The following ADGRB3 variants were observed in gnomAD, a reference collection of about 807,000 sequenced individuals.
The protein encoded by ADGRB3 is brain-specific angiogenesis inhibitor 3.
ADGRB3 carries 37 observed loss-of-function variants against 193.4 expected under a neutral mutation model. The observed-to-expected ratio is 0.19, with a 90% confidence interval of 0.15 to 0.25. ADGRB3 has a LOEUF of 0.25. ADGRB3 is among the 10% of genes least tolerant of loss of function. The pLI, the probability that ADGRB3 is intolerant of heterozygous loss-of-function variation, is 1.00. For missense variants in ADGRB3, 1,637 were observed against 1,852.9 expected, an observed-to-expected ratio of 0.88 and a Z score of 2.14; for synonymous variants, 690 against 644.2, an observed-to-expected ratio of 1.07 and a Z score of -1.08.
At chr6:69,297,368 TTCTC>T (rs70987459) in intron 20 of ADGRB3, among the ~76,000 whole-genome samples, 6 of 97,638 alleles carry the variant, frequency 6.1e-5, no homozygotes, top group South Asian at 7.7e-4. Flanking sequence ...CTCTCTCTCT[TTCTC>T]TCTCTCTCTC....
intron 3 of ADGRB3, among the ~76,000 whole-genome samples, chr6:68,879,621 A>G (rs145990926): frequency 2.6e-5 from 4 of 152,232 alleles, no homozygotes; most frequent in Non-Finnish European, 4.4e-5. Context: ...CCTGATAGAA[A>G]AAAAGCATGT....
At chr6:69,255,328 T>C (rs946003384) in intron 20 of ADGRB3, among the ~76,000 whole-genome samples, 2 of 152,150 alleles carry the variant, frequency 1.3e-5, no homozygotes, top group African/African-American at 2.4e-5. Flanking sequence ...CCACCAACAG[T>C]GTAAAAGTGT....
intron 3 of ADGRB3, among the ~76,000 whole-genome samples, chr6:68,682,754 A>G (rs916753172): frequency 2.0e-5 from 3 of 151,868 alleles, no homozygotes; most frequent in Non-Finnish European, 2.9e-5. Flanking sequence ...AGTTGATGCA[A>G]TGTTTTCTTT....
intron 10 of ADGRB3, 112 bp from the exon 11 acceptor site, chr6:68,993,656 C>A (rs1043424050): frequency 1.6e-5 from 18 of 1,109,444 alleles, no homozygotes; most frequent in Non-Finnish European, 2.2e-5. Flanking sequence ...CCAAGCATTG[C>A]AAGGCTATTT....
chr6:69,263,919 A>G (rs1766979917), intron 20 of ADGRB3, among the ~76,000 whole-genome samples: 1 of 151,994 alleles, frequency 6.6e-6, no homozygotes, highest in Non-Finnish European at 1.5e-5. Context: ...TTTAACCCTC[A>G]GGTAAACTTC....
intron 13 of ADGRB3, among the ~76,000 whole-genome samples, chr6:69,028,832 A>G (rs1218244113): frequency 6.6e-6 from 1 of 152,182 alleles, no homozygotes; most frequent in Non-Finnish European, 1.5e-5. Context: ...ATAAAGAAAG[A>G]TATTTTTATT....
At chr6:69,089,839 C>A (rs1402646902) in intron 17 of ADGRB3, among the ~76,000 whole-genome samples, 1 of 152,100 alleles carries the variant, frequency 6.6e-6, no homozygotes, top group African/African-American at 2.4e-5. Context: ...ACTCTCCTGA[C>A]CCTCTTAGTT....
intron 11 of ADGRB3, among the ~76,000 whole-genome samples, chr6:69,007,182 C>T (rs1769784743): frequency 6.6e-6 from 1 of 152,152 alleles, no homozygotes; most frequent in Non-Finnish European, 1.5e-5. Flanking sequence ...TTCTGTGCTT[C>T]TCCTCCCATG....
chr6:68,855,969 A>G (rs147670414), intron 3 of ADGRB3, among the ~76,000 whole-genome samples: 2,686 of 152,278 alleles, frequency 0.018, 69 homozygotes, highest in African/African-American at 0.061. Context: ...TGGTTGAATC[A>G]TGGGGGTGGG....
chr6:68,757,357 T>C (rs1487799691), intron 3 of ADGRB3, among the ~76,000 whole-genome samples: 1 of 152,186 alleles, frequency 6.6e-6, no homozygotes, highest in Non-Finnish European at 1.5e-5. Context: ...ACGAGATTGA[T>C]TTAATTTTTG....
intron 17 of ADGRB3, among the ~76,000 whole-genome samples, chr6:69,110,859 C>G (rs557198449): frequency 6.6e-6 from 1 of 152,024 alleles, no homozygotes; most frequent in Non-Finnish European, 1.5e-5. Flanking sequence ...ATCTTGTTCA[C>G]CTTCTTAATG....
chr6:69,288,962 C>A (rs576244081), intron 20 of ADGRB3, among the ~76,000 whole-genome samples: 6 of 152,206 alleles, frequency 3.9e-5, no homozygotes, highest in South Asian at 4.1e-4. Context: ...TGTGTGTACA[C>A]CCCCAACCCT....
intron 3 of ADGRB3, among the ~76,000 whole-genome samples, chr6:68,661,711 T>C (rs1768665865): frequency 6.7e-6 from 1 of 150,146 alleles, no homozygotes. Context: ...CTAATGGTAG[T>C]GGGGGAACTT....
chr6:68,826,035 G>T (rs755076172), intron 3 of ADGRB3, among the ~76,000 whole-genome samples: 2 of 150,154 alleles, frequency 1.3e-5, no homozygotes, highest in Non-Finnish European at 3.0e-5. Flanking sequence ...AATAAATCAT[G>T]CATTTCTTTA....
At chr6:68,723,239 C>G (rs994755358) in intron 3 of ADGRB3, among the ~76,000 whole-genome samples, 1 of 151,728 alleles carries the variant, frequency 6.6e-6, no homozygotes, top group African/African-American at 2.4e-5. Context: ...CTGGACCCTA[C>G]ATTTTCCTCT....
At chr6:68,950,662 C>T (rs1767892021) in intron 6 of ADGRB3, among the ~76,000 whole-genome samples, 1 of 152,066 alleles carries the variant, frequency 6.6e-6, no homozygotes. Context: ...TCCTAAAAGT[C>T]AACCTTAATT....
chr6:69,330,744 A>G (rs1291812840), intron 23 of ADGRB3, among the ~76,000 whole-genome samples, 172 bp downstream of exon 23: 1 of 152,170 alleles, frequency 6.6e-6, no homozygotes, highest in Non-Finnish European at 1.5e-5. Flanking sequence ...ATTATTCTAA[A>G]ATATTCTTAT....
intron 17 of ADGRB3, among the ~76,000 whole-genome samples, chr6:69,219,450 TAC>T (rs1239665999): frequency 1.7e-5 from 2 of 119,884 alleles, no homozygotes; most frequent in African/African-American, 5.5e-5. Context: ...AACTTAAAAA[TAC>T]ACACACACGT....
chr6:68,922,678 A>G (rs1193954133), intron 3 of ADGRB3, among the ~76,000 whole-genome samples: 2 of 152,182 alleles, frequency 1.3e-5, no homozygotes, highest in Non-Finnish European at 2.9e-5. Flanking sequence ...CTCCTTTTGC[A>G]GGAGGAGGAA....
Sources: allele counts gnomAD v4.1 joint callset (sites outside exome capture counted in the v4.1 genomes callset), GRCh38; gene constraint gnomAD v4.1.1; transcripts MANE v1.5; gene names NCBI Gene and HGNC (gene_info 2026-07-23, HGNC 2026-07-21).